The following THOC5 variants were observed in gnomAD, a reference collection of about 807,000 sequenced individuals.
The protein encoded by THOC5 is Fms-interacting protein.
In THOC5, 43 loss-of-function variants were observed where a neutral mutation model predicts 92.9. The observed-to-expected ratio is 0.46, with a 90% CI of 0.36 to 0.60. The LOEUF is 0.60. THOC5 is among the 20% of genes least tolerant of loss of function. THOC5 has a pLI of 0.00. For missense variants in THOC5, 659 were observed against 849.4 expected (o/e 0.78, Z 2.79); for synonymous variants, 296 against 320.1 (o/e 0.92, Z 0.80).
chr22:29,524,766 G>A (rs761368776), intron 12 of THOC5, among the ~76,000 whole-genome samples: 4 of 152,318 alleles, frequency 2.6e-5, no homozygotes, highest in East Asian at 3.9e-4. Flanking sequence ...TCTAAGGGCA[G>A]TCTAAAACCC....
At chr22:29,534,561 TC>T (rs1569224865) in intron 7 of THOC5, 1 of 151,992 alleles carries the variant, frequency 6.6e-6, no homozygotes, top group African/African-American at 2.4e-5. Context: ...TTCTTTTTTT[TC>T]TTGACTCGGG....
chr22:29,548,335 C>T (rs2064069065), intron 2 of THOC5, among the ~76,000 whole-genome samples: 1 of 152,252 alleles, frequency 6.6e-6, no homozygotes, highest in East Asian at 1.9e-4. Context: ...GCAGGTAGAT[C>T]ACTTAAGCTC....
chr22:29,541,886 A>T lies in THOC5; in HGVS notation c.452+973T>A, dbSNP rs371715094. On this transcript the variant is annotated intron_variant, in intron 5 of 19. Coordinates refer to ENST00000490103, the MANE Select transcript of THOC5 (RefSeq NM_003678.5). ...CAAAAAAAAAAAAAAAAAAAAAAAA[A>T]AAAAAAAATATATATATATATATAT... Among the ~76,000 whole-genome samples, 25 of 55,358 alleles carry T rather than the reference A, an allele frequency of 4.5e-4. 4 individuals carry two copies. The East Asian group carries it at 6.7e-3, about 15-fold the overall frequency. 36.3% of individuals were successfully genotyped at this position (55,358 alleles called of 152,430 possible).
intron 17 of THOC5, among the ~76,000 whole-genome samples, chr22:29,513,392 G>A (rs993090312): frequency 2.0e-5 from 3 of 146,402 alleles, no homozygotes; most frequent in Non-Finnish European, 4.5e-5. Flanking sequence ...ACCTCCCCCT[G>A]TCCCCAAAAA....
At position 29,542,845 on chromosome 22, in the gene THOC5, C is replaced by T. The variant is rs1219133365; in HGVS notation, c.452+14G>A. ...AAGACCACATGTGCCAAAGCCCTGT[C>T]CTCCCAAACTCACTTAAACTCCAAA... On this transcript the variant is annotated intron_variant, in intron 5 of 19. Coordinates refer to ENST00000490103, the MANE Select transcript of THOC5 (RefSeq NM_003678.5). The T allele has an allele frequency of 6.3e-7, 1 of 1,591,640 alleles. No individual in the cohort carries two copies. The highest frequency in any genetic ancestry group is 1.1e-5 in the South Asian group (1 of 90,230).
At chr22:29,540,125 A>C (rs1346307227) in intron 5 of THOC5, among the ~76,000 whole-genome samples, 1 of 152,152 alleles carries the variant, frequency 6.6e-6, no homozygotes, top group African/African-American at 2.4e-5. Flanking sequence ...ACTAAAAATT[A>C]GCTGGGCGTG....
chr22:29,525,742 T>C lies in THOC5; in HGVS notation c.1175+96A>G, dbSNP rs190802279. ...ACAAGTCAACACAGCCGTAGCCCTC[T>C]CCAGAGCCAGAGGGAGGAACCGAGA... On this transcript the variant is annotated intron_variant, in intron 12 of 19. Coordinates refer to ENST00000490103, the MANE Select transcript of THOC5 (RefSeq NM_003678.5). 2.9e-5 allele frequency: 28 copies of C among 956,784 alleles called. No individual in the cohort carries two copies. In the Admixed American group the frequency reaches 5.2e-4, roughly 18 times the overall value. The allele number at this position is 956,784 out of a possible 1,614,324, so 59.3% of individuals were successfully genotyped here. A position where few individuals can be genotyped will look rare whatever the true frequency, so the allele number is the denominator to read the frequency against.
At chr22:29,518,720 C>T (rs956691572) in intron 15 of THOC5, among the ~76,000 whole-genome samples, 1 of 152,198 alleles carries the variant, frequency 6.6e-6, no homozygotes, top group Non-Finnish European at 1.5e-5. Flanking sequence ...AATGCATGAC[C>T]TAGGATGAAC....
chr22:29,545,584 A>G (rs946504291), intron 2 of THOC5, among the ~76,000 whole-genome samples: 5 of 152,228 alleles, frequency 3.3e-5, no homozygotes, highest in African/African-American at 1.2e-4. Flanking sequence ...CAAAGGCGTT[A>G]CAGGGCCCAT....
chr22:29,524,798 G>C (rs999242737), intron 12 of THOC5, among the ~76,000 whole-genome samples: 8 of 152,322 alleles, frequency 5.3e-5, no homozygotes, highest in Admixed American at 3.3e-4. Flanking sequence ...GCATCATGGA[G>C]AACTGGCAGG....
intron 19 of THOC5, 25 bp from the exon 20 acceptor site, chr22:29,508,545 G>A: frequency 1.3e-5 from 21 of 1,588,254 alleles, no homozygotes; most frequent in Non-Finnish European, 1.8e-5. Flanking sequence ...GAACGGAGTT[G>A]TTAATAACAC....
At chr22:29,522,445 T>C (rs529627775) in intron 12 of THOC5, among the ~76,000 whole-genome samples, 1 of 152,068 alleles carries the variant, frequency 6.6e-6, no homozygotes, top group African/African-American at 2.4e-5. Context: ...TACTAATAGA[T>C]TGATTCAATC....
chr22:29,511,381 C>A, intron 18 of THOC5, 85 bp from the exon 19 acceptor site: 1 of 1,470,784 alleles, frequency 6.8e-7, no homozygotes, highest in East Asian at 2.3e-5. Context: ...CCTGGATGGG[C>A]CCGAGCGCTG....
At chr22:29,538,846 C>T (rs2063817469) in intron 6 of THOC5, among the ~76,000 whole-genome samples, 1 of 143,796 alleles carries the variant, frequency 7.0e-6, no homozygotes, top group Non-Finnish European at 1.5e-5. Flanking sequence ...CACAGTGGCT[C>T]ACGTCTGTAA....
intron 10 of THOC5, 71 bp downstream of exon 10, chr22:29,528,355 G>A (rs1417019121): frequency 1.1e-5 from 17 of 1,613,890 alleles, no homozygotes; most frequent in South Asian, 3.3e-5. Flanking sequence ...TAGGGAGGAC[G>A]GCACCTGCGA....
At chr22:29,545,080 G>C (rs1028487190) in intron 2 of THOC5, 1 of 437,308 alleles carries the variant, frequency 2.3e-6, no homozygotes, top group Admixed American at 2.6e-5. Context: ...TAGCTGGGGA[G>C]GCCTCAGAAT....
intron 17 of THOC5, among the ~76,000 whole-genome samples, chr22:29,516,215 TCA>T (rs1179906984): frequency 6.6e-6 from 1 of 150,750 alleles, no homozygotes; most frequent in Non-Finnish European, 1.5e-5. Flanking sequence ...CAAATAGTGG[TCA>T]CTTATTAGGA....
At chr22:29,548,058 G>A (rs951568785) in intron 2 of THOC5, among the ~76,000 whole-genome samples, 4 of 152,128 alleles carry the variant, frequency 2.6e-5, no homozygotes, top group Non-Finnish European at 5.9e-5. Flanking sequence ...GATCTCATGA[G>A]GCTTATTCAC....
chr22:29,531,787 G>C, intron 8 of THOC5, 44 bp downstream of exon 8: 3 of 1,591,072 alleles, frequency 1.9e-6, no homozygotes, highest in Non-Finnish European at 2.6e-6. Flanking sequence ...GGCCACAGCT[G>C]CTGCTCCCAT....
Sources: gnomAD v4.1 joint callset for allele counts (sites outside exome capture counted in the v4.1 genomes callset) on GRCh38, gnomAD v4.1.1 for gene constraint, MANE v1.5 for transcripts, NCBI Gene and HGNC (gene_info 2026-07-23, HGNC 2026-07-21) for gene names.